The following CSMD3 variants were observed in gnomAD, a reference collection of about 807,000 sequenced individuals.
CSMD3 encodes the protein CUB and sushi domain-containing protein 3.
A neutral mutation model predicts 435.2 loss-of-function variants in CSMD3; 177 were observed. The observed-to-expected ratio is 0.41, with a 90% CI of 0.36 to 0.46. CSMD3 has a LOEUF of 0.46. Among genes scored for constraint, CSMD3 ranks in the 20% least tolerant of loss-of-function variants. The pLI, the probability that CSMD3 is intolerant of heterozygous loss-of-function variation, is 0.34. For missense variants in CSMD3, 4,265 were observed against 4,504.6 expected (o/e 0.95, Z 1.52); for synonymous variants, 1,656 against 1,520.5 (o/e 1.09, Z -2.07).
At chr8:113,066,629 C>T (rs997225214) in intron 5 of CSMD3, among the ~76,000 whole-genome samples, 1 of 151,866 alleles carries the variant, frequency 6.6e-6, no homozygotes, top group Non-Finnish European at 1.5e-5. Flanking sequence ...AGTATTCCTG[C>T]TATAAATCTG....
At chr8:113,333,332 TAA>T (rs886915148) in intron 1 of CSMD3, among the ~76,000 whole-genome samples, 3 of 151,838 alleles carry the variant, frequency 2.0e-5, no homozygotes, top group African/African-American at 7.2e-5. Context: ...TGCTTTGCTA[TAA>T]AGACTAATTA....
intron 2 of CSMD3, among the ~76,000 whole-genome samples, chr8:113,286,099 C>T (rs892326073): frequency 6.6e-6 from 1 of 152,018 alleles, no homozygotes; most frequent in East Asian, 1.9e-4. Context: ...CCTACTCCCA[C>T]ATACACCTCC....
intron 40 of CSMD3, among the ~76,000 whole-genome samples, chr8:112,349,890 A>G (rs932115012): frequency 6.6e-6 from 1 of 152,100 alleles, no homozygotes; most frequent in Non-Finnish European, 1.5e-5. Flanking sequence ...CCCAAAATTT[A>G]TATTTTGAAG....
intron 27 of CSMD3, among the ~76,000 whole-genome samples, chr8:112,532,475 C>A (rs567740054): frequency 1.3e-5 from 2 of 152,104 alleles, no homozygotes; most frequent in East Asian, 1.9e-4. Flanking sequence ...AAAAGCAAAG[C>A]AAATAACATA....
intron 13 of CSMD3, among the ~76,000 whole-genome samples, chr8:112,712,919 G>C (rs2076641720): frequency 6.6e-6 from 1 of 152,080 alleles, no homozygotes. Flanking sequence ...CTGGTTATTA[G>C]TCTGTCCTTA....
rs1158610148 is a variant in CSMD3, at chr8:113,253,837, G to GA, written c.514+24754dup. ...CTGGTGACAGAGTGAGACTCCGTCTGAAAAAAAAAAAAAAAGAAAAGAAAA... is the reference window on the plus strand; with the variant it reads ...CTGGTGACAGAGTGAGACTCCGTCTGAAAAAAAAAAAAAAAAGAAAAGAAAA... On this transcript the variant is annotated intron_variant, in intron 3 of 70. Coordinates refer to ENST00000297405, the MANE Select transcript of CSMD3 (RefSeq NM_198123.2). Among the ~76,000 whole-genome samples the GA allele has an allele frequency of 9.8e-3, 1,234 of 126,306 alleles. 10 individuals carry two copies. The highest frequency in any genetic ancestry group is 0.024 in the African/African-American group (826 of 34,768). 82.9% of individuals were successfully genotyped at this position (126,306 alleles called of 152,430 possible). A position where few individuals can be genotyped will look rare whatever the true frequency, so the allele number is the denominator to read the frequency against.
intron 36 of CSMD3, among the ~76,000 whole-genome samples, chr8:112,386,579 C>T (rs1053937746): frequency 6.6e-6 from 1 of 152,034 alleles, no homozygotes; most frequent in Non-Finnish European, 1.5e-5. Flanking sequence ...CTCACTGCAA[C>T]CTCTGCCTCC....
intron 1 of CSMD3, among the ~76,000 whole-genome samples, chr8:113,358,365 T>G (rs1464717705): frequency 2.0e-5 from 3 of 152,158 alleles, no homozygotes; most frequent in African/African-American, 7.2e-5. Context: ...AGGAAACTTT[T>G]TTTTTGAGAT....
chr8:112,834,896 A>G (rs912048524), intron 11 of CSMD3, among the ~76,000 whole-genome samples: 5 of 151,900 alleles, frequency 3.3e-5, no homozygotes, highest in African/African-American at 1.2e-4. Context: ...CATAAATTGC[A>G]TTTAGCACAT....
At chr8:112,791,065 G>A (rs534329761) in intron 13 of CSMD3, among the ~76,000 whole-genome samples, 4 of 152,102 alleles carry the variant, frequency 2.6e-5, no homozygotes, top group Non-Finnish European at 5.9e-5. Context: ...GCTCACGCCT[G>A]TAACCTCAGG....
intron 47 of CSMD3, among the ~76,000 whole-genome samples, chr8:112,316,275 A>G (rs1327293420): frequency 6.6e-6 from 1 of 151,762 alleles, no homozygotes; most frequent in African/African-American, 2.4e-5. Context: ...TCCTTCATGG[A>G]TATAATTTTG....
At chr8:112,789,753 G>A (rs1049895647) in intron 13 of CSMD3, among the ~76,000 whole-genome samples, 3 of 151,932 alleles carry the variant, frequency 2.0e-5, no homozygotes, top group Admixed American at 6.6e-5. Flanking sequence ...AGATGACTTT[G>A]ATCCCACTAA....
chr8:112,937,391 C>A (rs1587713480), intron 9 of CSMD3, among the ~76,000 whole-genome samples: 1 of 147,154 alleles, frequency 6.8e-6, no homozygotes, highest in African/African-American at 2.5e-5. Flanking sequence ...CTCTCTGTCG[C>A]CTAATTTGGA....
At chr8:112,552,129 C>T (rs1827736352) in intron 26 of CSMD3, among the ~76,000 whole-genome samples, 1 of 152,036 alleles carries the variant, frequency 6.6e-6, no homozygotes, top group Admixed American at 6.6e-5. Flanking sequence ...GGTATTCAGT[C>T]CCCTTCTATT....
chr8:113,272,405 C>T (rs1241634513), intron 3 of CSMD3, among the ~76,000 whole-genome samples: 2 of 152,112 alleles, frequency 1.3e-5, no homozygotes, highest in East Asian at 3.9e-4. Context: ...AGCAGTTTCC[C>T]CCATACTGTT....
intron 9 of CSMD3, among the ~76,000 whole-genome samples, chr8:112,938,322 T>C (rs751881703): frequency 1.4e-4 from 21 of 152,222 alleles, no homozygotes; most frequent in Non-Finnish European, 2.8e-4. Flanking sequence ...TCTTCCAACA[T>C]ACCAAAGACC....
chr8:112,642,862 A>G (rs2074872199), intron 20 of CSMD3, among the ~76,000 whole-genome samples: 1 of 152,212 alleles, frequency 6.6e-6, no homozygotes, highest in African/African-American at 2.4e-5. Flanking sequence ...AAAAAAGTTA[A>G]TTAACACAAA....
intron 8 of CSMD3, among the ~76,000 whole-genome samples, chr8:112,952,262 G>A (rs1293473027): frequency 1.3e-5 from 2 of 151,274 alleles, no homozygotes; most frequent in African/African-American, 4.8e-5. Flanking sequence ...AAATCTAAAG[G>A]TGCCATTATG....
intron 4 of CSMD3, among the ~76,000 whole-genome samples, chr8:113,117,778 A>G (rs1248879188): frequency 6.6e-6 from 1 of 152,242 alleles, no homozygotes; most frequent in East Asian, 1.9e-4. Flanking sequence ...ACATGGGATC[A>G]AAGGAGATCA....
Sources: allele counts gnomAD v4.1 joint callset (sites outside exome capture counted in the v4.1 genomes callset), GRCh38; gene constraint gnomAD v4.1.1; transcripts MANE v1.5; gene names NCBI Gene and HGNC (gene_info 2026-07-23, HGNC 2026-07-21).